Variants in CSMD1 observed in about 807,000 individuals in gnomAD.
CSMD1 encodes the protein CUB and sushi domain-containing protein 1.
CSMD1 carries 213 observed loss-of-function variants against 417.5 expected under a neutral mutation model. That is an observed-to-expected ratio of 0.51 (90% CI 0.46 to 0.57). CSMD1 has a LOEUF of 0.57. Among genes scored for constraint, CSMD1 ranks in the 20% least tolerant of loss-of-function variants. CSMD1 has a pLI of 0.00. For missense variants in CSMD1, 6,923 were observed against 4,529.7 expected (o/e 1.53, Z -15.17); for synonymous variants, 2,862 against 1,736.8 (o/e 1.65, Z -16.11).
At position 4,227,271 on chromosome 8, in the gene CSMD1, G is replaced by A. The variant is rs546143797; in HGVS notation, c.415+192682C>T. On this transcript the variant is annotated intron_variant, in intron 3 of 69. Coordinates refer to ENST00000635120, the MANE Select transcript of CSMD1 (RefSeq NM_033225.6). ...TAGCAACATGGACGAGCAAGATGGC[G>A]ACCACATATCCCCTCGGTCTGCCTT... Among the ~76,000 whole-genome samples the A allele has an allele frequency of 2.6e-5, 4 of 152,072 alleles. No homozygotes were observed. The South Asian group carries it at 8.3e-4, about 32-fold the overall frequency.
intron 6 of CSMD1, among the ~76,000 whole-genome samples, chr8:3,718,333 A>G (rs1801957527): frequency 6.6e-6 from 1 of 151,986 alleles, no homozygotes; most frequent in South Asian, 2.1e-4. Flanking sequence ...TTGAATAGGG[A>G]CTTTTGAGAA....
intron 53 of CSMD1, 30 bp downstream of exon 53, chr8:2,999,928 G>C (rs780999694): frequency 3.8e-6 from 6 of 1,572,862 alleles, no homozygotes; most frequent in Non-Finnish European, 5.2e-6. Flanking sequence ...AGGAAGCATC[G>C]ATGAATTCGT....
At chr8:3,401,456 G>C (rs1032511735) in intron 15 of CSMD1, among the ~76,000 whole-genome samples, 1 of 152,036 alleles carries the variant, frequency 6.6e-6, no homozygotes, top group African/African-American at 2.4e-5. Context: ...TGATGAAATA[G>C]ACACTTTAAT....
At chr8:4,331,456 G>T (rs1799864777) in intron 3 of CSMD1, among the ~76,000 whole-genome samples, 1 of 152,156 alleles carries the variant, frequency 6.6e-6, no homozygotes, top group Admixed American at 6.5e-5. Flanking sequence ...GGTAACGAGA[G>T]CCTTGCCAGC....
At chr8:4,416,013 A>G (rs1475476718) in intron 3 of CSMD1, among the ~76,000 whole-genome samples, 1 of 152,190 alleles carries the variant, frequency 6.6e-6, no homozygotes, top group Non-Finnish European at 1.5e-5. Context: ...CGTGATAATA[A>G]TAGATCACCT....
At chr8:3,384,371 C>T (rs1038387126) in intron 18 of CSMD1, among the ~76,000 whole-genome samples, 4 of 151,624 alleles carry the variant, frequency 2.6e-5, no homozygotes, top group East Asian at 1.9e-4. Flanking sequence ...ATAGGATATC[C>T]CTTTTCTACA....
intron 1 of CSMD1, among the ~76,000 whole-genome samples, chr8:4,770,690 T>G (rs1585072338): frequency 6.7e-6 from 1 of 150,240 alleles, no homozygotes; most frequent in African/African-American, 2.4e-5. Context: ...TCAACAAGAG[T>G]ACAAAAAGGA....
chr8:3,588,780 G>A (rs1383672013), intron 8 of CSMD1, among the ~76,000 whole-genome samples: 1 of 152,040 alleles, frequency 6.6e-6, no homozygotes, highest in Non-Finnish European at 1.5e-5. Flanking sequence ...ACAACAAACA[G>A]AGTGAAGAGA....
chr8:3,658,529 T>C (rs1798244428), intron 7 of CSMD1, among the ~76,000 whole-genome samples: 1 of 151,132 alleles, frequency 6.6e-6, no homozygotes, highest in African/African-American at 2.4e-5. Flanking sequence ...ATGCCTGTAA[T>C]CCCAGCACTT....
chr8:3,601,906 G>C (rs887903817), intron 8 of CSMD1, among the ~76,000 whole-genome samples: 6 of 152,184 alleles, frequency 3.9e-5, no homozygotes, highest in Non-Finnish European at 8.8e-5. Flanking sequence ...GCCCTAGAGA[G>C]AGAGAGGGTT....
chr8:3,488,792 C>T (rs961205413), intron 11 of CSMD1, among the ~76,000 whole-genome samples: 2 of 152,146 alleles, frequency 1.3e-5, no homozygotes, highest in African/African-American at 4.8e-5. Context: ...TATACTGTCA[C>T]TGGCATTCAG....
chr8:4,206,417 T>C (rs1799984775), intron 3 of CSMD1, among the ~76,000 whole-genome samples: 2 of 152,284 alleles, frequency 1.3e-5, no homozygotes, highest in Admixed American at 1.3e-4. Context: ...TTCCCACCTA[T>C]GACTGAGAAC....
chr8:3,839,728 T>A (rs994606625), intron 5 of CSMD1, among the ~76,000 whole-genome samples: 2 of 150,540 alleles, frequency 1.3e-5, no homozygotes, highest in African/African-American at 4.9e-5. Context: ...TTTAAAGCAC[T>A]TCGCTTGCTG....
intron 1 of CSMD1, among the ~76,000 whole-genome samples, chr8:4,857,780 C>T (rs1156359274): frequency 6.6e-6 from 1 of 151,894 alleles, no homozygotes; most frequent in Non-Finnish European, 1.5e-5. Flanking sequence ...CAATAGCTTA[C>T]CAACCAAAAA....
chr8:4,820,431 A>C (rs1418377635), intron 1 of CSMD1, among the ~76,000 whole-genome samples: 1 of 152,180 alleles, frequency 6.6e-6, no homozygotes, highest in Non-Finnish European at 1.5e-5. Context: ...GAGCAAGATT[A>C]AATAGTAGCC....
chr8:4,124,752 G>A (rs1802669111), intron 3 of CSMD1, among the ~76,000 whole-genome samples: 1 of 152,104 alleles, frequency 6.6e-6, no homozygotes, highest in Non-Finnish European at 1.5e-5. Context: ...GCAAACTAAG[G>A]GACTGAAACT....
intron 10 of CSMD1, among the ~76,000 whole-genome samples, chr8:3,543,053 C>T (rs1798507786): frequency 6.6e-6 from 1 of 152,124 alleles, no homozygotes; most frequent in African/African-American, 2.4e-5. Flanking sequence ...TCTCGCTGGG[C>T]TCAGACAAGT....
intron 12 of CSMD1, among the ~76,000 whole-genome samples, chr8:3,422,652 A>T (rs1813567324): frequency 6.6e-6 from 1 of 152,216 alleles, no homozygotes; most frequent in African/African-American, 2.4e-5. Flanking sequence ...AAATATTTCA[A>T]ATCTATTTTC....
chr8:3,813,546 C>T (rs1271290099), intron 5 of CSMD1, among the ~76,000 whole-genome samples: 5 of 152,144 alleles, frequency 3.3e-5, no homozygotes, highest in African/African-American at 4.8e-5. Flanking sequence ...TCTAATATAA[C>T]ACAACGTAGG....
Sources: gnomAD v4.1 joint callset for allele counts (sites outside exome capture counted in the v4.1 genomes callset) on GRCh38, gnomAD v4.1.1 for gene constraint, MANE v1.5 for transcripts, NCBI Gene and HGNC (gene_info 2026-07-23, HGNC 2026-07-21) for gene names.